The following KHDRBS3 variants were observed in gnomAD, a reference collection of about 807,000 sequenced individuals.
KHDRBS3 encodes KH domain-containing, RNA-binding, signal transduction-associated protein 3.
A neutral mutation model predicts 45.6 loss-of-function variants in KHDRBS3; 23 were observed. The ratio of observed to expected loss-of-function variants is 0.50; its 90% CI spans 0.36 to 0.72. The LOEUF is 0.72. Among genes scored for constraint, KHDRBS3 ranks in the 30% least tolerant of loss-of-function variants. KHDRBS3 has a pLI of 0.00. For synonymous variants in KHDRBS3, 162 were observed against 156.5 expected, an observed-to-expected ratio of 1.04 and a Z score of -0.26; for missense variants, 352 against 424.8, an observed-to-expected ratio of 0.83 and a Z score of 1.51.
At chr8:135,603,074 A>C (rs1056324466) in intron 6 of KHDRBS3, among the ~76,000 whole-genome samples, 1 of 152,216 alleles carries the variant, frequency 6.6e-6, no homozygotes, top group Non-Finnish European at 1.5e-5. Flanking sequence ...TAGCATTGAT[A>C]CACCTGGGAA....
intron 1 of KHDRBS3, among the ~76,000 whole-genome samples, chr8:135,484,090 G>T (rs1318406572): frequency 6.6e-6 from 1 of 152,154 alleles, no homozygotes; most frequent in East Asian, 1.9e-4. Context: ...TAAATTAGAG[G>T]TAAAATGTGG....
At chr8:135,592,233 A>C (rs1302979152) in intron 6 of KHDRBS3, among the ~76,000 whole-genome samples, 2 of 152,084 alleles carry the variant, frequency 1.3e-5, no homozygotes, top group Non-Finnish European at 2.9e-5. Flanking sequence ...ATGAGTATGG[A>C]AGTTTTTTTT....
chr8:135,557,615 C>T, intron 5 of KHDRBS3, 28 bp downstream of exon 5: 1 of 1,563,114 alleles, frequency 6.4e-7, no homozygotes, highest in Non-Finnish European at 8.8e-7. Context: ...TTTAGGTTAA[C>T]ATACCGTGGC....
intron 7 of KHDRBS3, among the ~76,000 whole-genome samples, chr8:135,623,844 C>T (rs1440184595): frequency 6.6e-6 from 1 of 152,120 alleles, no homozygotes; most frequent in Non-Finnish European, 1.5e-5. Context: ...TCATAAAATA[C>T]TTGCTTTCTA....
intron 7 of KHDRBS3, among the ~76,000 whole-genome samples, chr8:135,612,106 T>C (rs6983220): frequency 1 from 151,511 of 151,888 alleles, 75,576 homozygotes; most frequent in East Asian, 1. Context: ...GTTCCTCATT[T>C]CCAAATTCAG....
At chr8:135,606,245 C>T (rs1276687379) in intron 6 of KHDRBS3, among the ~76,000 whole-genome samples, 2 of 151,898 alleles carry the variant, frequency 1.3e-5, no homozygotes, top group African/African-American at 4.8e-5. Flanking sequence ...TGGCACTGTG[C>T]ATGGTCCCGG....
chr8:135,459,324 A>AGTT (rs1227656251), intron 1 of KHDRBS3, among the ~76,000 whole-genome samples: 1 of 152,218 alleles, frequency 6.6e-6, no homozygotes, highest in Non-Finnish European at 1.5e-5. Context: ...GAATTGTTGA[A>AGTT]CAGAAATAGA....
intron 2 of KHDRBS3, among the ~76,000 whole-genome samples, chr8:135,537,846 T>G (rs1825853469): frequency 6.6e-6 from 1 of 152,224 alleles, no homozygotes; most frequent in South Asian, 2.1e-4. Context: ...CAAATGAGGT[T>G]ATTTATACAA....
intron 1 of KHDRBS3, among the ~76,000 whole-genome samples, chr8:135,509,721 C>T (rs1824177960): frequency 6.6e-6 from 1 of 152,026 alleles, no homozygotes; most frequent in Non-Finnish European, 1.5e-5. Flanking sequence ...TGTCATAATG[C>T]CTTTCATTTT....
At chr8:135,534,798 G>C (rs1460109147) in intron 2 of KHDRBS3, among the ~76,000 whole-genome samples, 1 of 152,084 alleles carries the variant, frequency 6.6e-6, no homozygotes, top group Non-Finnish European at 1.5e-5. Context: ...CACAATGCCA[G>C]CTCCAAGCCT....
intron 7 of KHDRBS3, among the ~76,000 whole-genome samples, chr8:135,628,211 A>G (rs7837703): frequency 0.86 from 131,106 of 152,050 alleles, 56,645 homozygotes; most frequent in East Asian, 1. Flanking sequence ...CGGTATCATC[A>G]TGTTCCATTC....
chr8:135,644,001 G>A (rs1831179146), intron 7 of KHDRBS3, among the ~76,000 whole-genome samples: 1 of 152,160 alleles, frequency 6.6e-6, no homozygotes, highest in African/African-American at 2.4e-5. Context: ...GTATGAAATT[G>A]GAAGAATGGG....
intron 1 of KHDRBS3, among the ~76,000 whole-genome samples, chr8:135,463,910 A>G (rs1466566941): frequency 2.0e-5 from 3 of 152,102 alleles, no homozygotes; most frequent in Admixed American, 2.0e-4. Flanking sequence ...AAAAGCCACC[A>G]ATTTGAGGCT....
Position 135,604,826 on chromosome 8 carries a change from C to G in KHDRBS3, c.808-2129C>G, listed in dbSNP as rs369017094. On this transcript the variant is annotated intron_variant, in intron 6 of 8. Transcript: ENST00000355849. ...ATTTACCTAAGGATTTACCAGTGTT[C>G]TTTGTTTTTTTTAATGTGGATTCAA... Among the ~76,000 whole-genome samples the G allele has an allele frequency of 5.6e-4, 85 of 151,000 alleles. No homozygotes were observed. The East Asian group carries it at 0.015, about 26-fold the overall frequency.
At chr8:135,557,662 C>A in intron 5 of KHDRBS3, 75 bp downstream of exon 5, 1 of 1,093,648 alleles carries the variant, frequency 9.1e-7, no homozygotes, top group Non-Finnish European at 1.4e-6. Context: ...TAGCCAAAAC[C>A]AGTTCTATCT....
chr8:135,485,869 T>TATATATATA (rs56114244), intron 1 of KHDRBS3, among the ~76,000 whole-genome samples: 10 of 143,192 alleles, frequency 7.0e-5, no homozygotes, highest in East Asian at 2.0e-4. Context: ...TATATATATA[T>TATATATATA]TTTATTTTTC....
At chr8:135,621,642 T>C (rs1197175870) in intron 7 of KHDRBS3, among the ~76,000 whole-genome samples, 1 of 151,942 alleles carries the variant, frequency 6.6e-6, no homozygotes, top group East Asian at 1.9e-4. Context: ...TCTAAACTGT[T>C]GTCAGTAATA....
At chr8:135,505,756 C>G (rs764547066) in intron 1 of KHDRBS3, among the ~76,000 whole-genome samples, 4 of 151,986 alleles carry the variant, frequency 2.6e-5, no homozygotes, top group African/African-American at 4.8e-5. Context: ...AGGGTCCTCA[C>G]AGGGCTGGGA....
At chr8:135,648,747 A>G (rs1271976526), downstream of KHDRBS3, 1 of 152,202 alleles carries the variant, frequency 6.6e-6, no homozygotes, top group Non-Finnish European at 1.5e-5. Context: ...AAGGTCAGAA[A>G]AGAAGCTTCC....
Sources: gnomAD v4.1 joint callset for allele counts (sites outside exome capture counted in the v4.1 genomes callset) on GRCh38, gnomAD v4.1.1 for gene constraint, MANE v1.5 for transcripts, NCBI Gene and HGNC (gene_info 2026-07-23, HGNC 2026-07-21) for gene names.